KCNK12: variants seen among roughly 807,000 people sequenced by gnomAD.
The protein encoded by KCNK12 is potassium channel subfamily K member 12.
In KCNK12, 6 loss-of-function variants were observed where a neutral mutation model predicts 25.3. The ratio of observed to expected loss-of-function variants is 0.24; its 90% confidence interval spans 0.13 to 0.47. KCNK12 has a LOEUF of 0.47. Ranked by LOEUF, KCNK12 falls within the 20% of genes least tolerant of loss-of-function variation. The pLI, the probability that KCNK12 is intolerant of heterozygous loss-of-function variation, is 0.99. For synonymous variants in KCNK12, 331 were observed against 311.1 expected, an observed-to-expected ratio of 1.06 and a Z score of -0.67; for missense variants, 444 against 661.7, an observed-to-expected ratio of 0.67 and a Z score of 3.61.
intron 1 of KCNK12, among the ~76,000 whole-genome samples, chr2:47,536,972 G>T (rs562424821): frequency 5.9e-5 from 9 of 152,356 alleles, no homozygotes; most frequent in Non-Finnish European, 8.8e-5. Context: ...TTTGGTCTGT[G>T]TTTGGACATG....
In KCNK12 at chr2:47,562,031, T is replaced by G. The variant is rs545465592; in HGVS notation, c.391+7910A>C. The G allele has an allele frequency of 2.5e-6, 1 of 398,488 alleles. No individual in the cohort carries two copies. The highest frequency in any genetic ancestry group is 4.4e-6 in the Non-Finnish European group (1 of 226,080). 24.7% of individuals were successfully genotyped at this position (398,488 alleles called of 1,614,324 possible). On this transcript the variant is annotated intron_variant, in intron 1 of 1. Coordinates refer to ENST00000327876, the MANE Select transcript of KCNK12 (RefSeq NM_022055.2). This position sits in a 1 kb window ranked among gnomAD's most constrained non-coding sequence, Gnocchi z 4.8. ...TGCCTAAAGCCACGCAGCCAGTTAG[T>G]GGCAGAGCCAGGTCTAGACTCCTAG...
intron 1 of KCNK12, among the ~76,000 whole-genome samples, chr2:47,524,662 A>C (rs555275285): frequency 2.6e-5 from 4 of 152,128 alleles, no homozygotes; most frequent in Non-Finnish European, 5.9e-5. Flanking sequence ...GGTGCTAGAA[A>C]TGTTTTTGTT....
Position 47,570,126 on chromosome 2 carries a change from C to A in KCNK12, c.206G>T (p.Arg69Leu). Residue 69 changes from arginine (R) to leucine (L), a missense_variant, in exon 1 of 2, where the codon CGG (arginine) becomes CTG (leucine). By Grantham distance (102) the Arg-to-Leu change is moderately radical (BLOSUM62 -2). Coordinates refer to ENST00000327876, the MANE Select transcript of KCNK12 (RefSeq NM_022055.2). ...ALESPGEAEA[R>L]ARWGATLRNF... ...GCGCAGCGTGGCGCCCCAGCGCGCC[C>A]GCGCCTCCGCCTCGCCGGGGCTCTC... is the stretch of plus-strand genomic sequence containing the variant. The A allele has an allele frequency of 1.4e-6, 2 of 1,432,468 alleles. No homozygotes were observed. The highest frequency in any genetic ancestry group is 1.8e-6 in the Non-Finnish European group (2 of 1,093,860). 88.7% of individuals were successfully genotyped at this position (1,432,468 alleles called of 1,614,324 possible).
rs978365093 is a variant in KCNK12 at position 47,562,507 on chromosome 2, G to T, written c.391+7434C>A. On this transcript the variant is annotated intron_variant, in intron 1 of 1. Coordinates refer to ENST00000327876, the MANE Select transcript of KCNK12 (RefSeq NM_022055.2). This position sits in a 1 kb window ranked among gnomAD's most constrained non-coding sequence, Gnocchi z 4.8. ...GGGGTTGGCCAAGCGCAGGGAGGAG[G>T]CAGCACTCACAAGACAGAGTCCGGA... 5.0e-5 allele frequency: 12 copies of T among 240,212 alleles called. No homozygotes were observed. The highest frequency in any genetic ancestry group is 2.6e-4 in the African/African-American group (12 of 45,664). The allele number at this position is 240,212 out of a possible 1,614,324, so 14.9% of individuals were successfully genotyped here. A position where few individuals can be genotyped will look rare whatever the true frequency, so the allele number is the denominator to read the frequency against.
Position 47,570,139 on chromosome 2 carries a change from C to A in KCNK12, c.193G>T (p.Glu65Ter). Residue 65 changes from glutamate (E) to a stop codon, truncating the protein, a stop_gained, in exon 1 of 2, where the codon GAG becomes TAG. Transcript: ENST00000327876. LOFTEE classifies it high-confidence loss of function. ...CCCCAGCGCGCCCGCGCCTCCGCCTCGCCGGGGCTCTCGAGCGCCGAGAAG... is the reference window on the plus strand; with the variant it reads ...CCCCAGCGCGCCCGCGCCTCCGCCTAGCCGGGGCTCTCGAGCGCCGAGAAG... Reference protein sequence around the residue: ...TVFSALESPGEAEARARWGAT... With the variant: ...TVFSALESPG 1 of 1,452,662 alleles carries A rather than the reference C, an allele frequency of 6.9e-7. No homozygotes were observed. 90.0% of individuals were successfully genotyped at this position (1,452,662 alleles called of 1,614,324 possible).
rs115351981 is a variant in KCNK12 at position 47,556,796 on chromosome 2, T to C, written c.391+13145A>G. ...ACCTGTAGGTCTTACAGCCAAAGGA[T>C]TATGATCTCACCCAAACAGGGTGAT... On this transcript the variant is annotated intron_variant, in intron 1 of 1. Coordinates refer to ENST00000327876, the MANE Select transcript of KCNK12 (RefSeq NM_022055.2). This position sits in a 1 kb window ranked among gnomAD's most constrained non-coding sequence, Gnocchi z 4.8. 2.8e-4 allele frequency among the ~76,000 whole-genome samples: 43 copies of C among 152,256 alleles called. No homozygotes were observed. Among genetic ancestry groups the C allele is most frequent in the Non-Finnish European group, 4.4e-4 (30 of 68,026 alleles).
chr2:47,552,059 C>T (rs924325657), intron 1 of KCNK12, among the ~76,000 whole-genome samples: 5 of 152,104 alleles, frequency 3.3e-5, no homozygotes, highest in Non-Finnish European at 5.9e-5. Context: ...AATTTATCAG[C>T]GTGCTGGCTC....
rs573060921 is a variant in KCNK12, at chr2:47,560,581, A to G, written c.391+9360T>C. 1.8e-4 allele frequency among the ~76,000 whole-genome samples: 28 copies of G among 152,286 alleles called. No individual in the cohort carries two copies. The highest frequency in any genetic ancestry group is 1.0e-3 in the Admixed American group (16 of 15,302). ...AGCAGTCAGGAGCCGTGGATCCTCTATTCTGCCATTGACTGACTTGCTGTG... is the reference window on the plus strand; with the variant it reads ...AGCAGTCAGGAGCCGTGGATCCTCTGTTCTGCCATTGACTGACTTGCTGTG... On this transcript the variant is annotated intron_variant, in intron 1 of 1. Transcript: ENST00000327876. This position sits in a 1 kb window ranked among gnomAD's most constrained non-coding sequence, Gnocchi z 4.7.
Position 47,569,958 on chromosome 2 carries a change from G to A in KCNK12, c.374C>T (p.Thr125Ile). 1.4e-6 allele frequency: 2 copies of A among 1,427,126 alleles called. No homozygotes were observed. Among genetic ancestry groups the A allele is most frequent in the Non-Finnish European group, 9.2e-7 (1 of 1,090,694 alleles). The allele number at this position is 1,427,126 out of a possible 1,614,324, so 88.4% of individuals were successfully genotyped here. Residue 125 changes from threonine to isoleucine, a missense_variant, in exon 1 of 2, where the codon ACC (threonine) becomes ATC (isoleucine). Physicochemically the swap from Thr to Ile is moderately conservative, Grantham distance 89 (BLOSUM62 -1). Transcript: ENST00000327876. This position sits in a 1 kb window ranked among gnomAD's most constrained non-coding sequence, Gnocchi z 4.1. ...CCGCTCACCTATGGTTGACACCACG[G>A]TGCCCACGAAGTAGAAGGCGCCGGG... is the stretch of plus-strand genomic sequence containing the variant. ...DFPGAFYFVG[T>I]VVSTIGFGMT...
Position 47,570,269 on chromosome 2 carries a change from G to C in KCNK12, c.63C>G (p.Ser21=). Residue 21 remains serine, a synonymous_variant, in exon 1 of 2, where the codon TCC becomes TCG. Coordinates refer to ENST00000327876, the MANE Select transcript of KCNK12 (RefSeq NM_022055.2). The part of the protein sequence containing the change: ...RRSRRRLPRP[S]CCCCCCRRSH... Reference sequence around the variant, plus strand: ...AACGGCGGCAGCAGCAGCAGCAGCAGGAGGGGCGCGGCAGGCGGCGGCGGC... The same window carrying C: ...AACGGCGGCAGCAGCAGCAGCAGCACGAGGGGCGCGGCAGGCGGCGGCGGC... 1 of 1,416,974 alleles carries C rather than the reference G, an allele frequency of 7.1e-7. No homozygotes were observed. Among genetic ancestry groups the C allele is most frequent in the Non-Finnish European group, 9.2e-7 (1 of 1,086,642 alleles). The allele number at this position is 1,416,974 out of a possible 1,614,324, so 87.8% of individuals were successfully genotyped here.
intron 1 of KCNK12, among the ~76,000 whole-genome samples, chr2:47,534,520 C>CA (rs1340875365): frequency 1.6e-5 from 2 of 122,740 alleles, no homozygotes; most frequent in African/African-American, 6.0e-5. Flanking sequence ...TTCTAACCCC[C>CA]CCCCCCGCCC....
At position 47,517,734 on chromosome 2, in the gene KCNK12, C is replaced by A. The variant is rs1054294219; in HGVS notation, c.*3173G>T. On this transcript the variant is annotated 3_prime_UTR_variant, in exon 2 of 2. Coordinates refer to ENST00000327876, the MANE Select transcript of KCNK12 (RefSeq NM_022055.2). The surrounding 1 kb of genome is among the most constrained non-coding windows in gnomAD (Gnocchi z 4.1). ...CTGCTTCATTCAGAGGACACAAAGG[C>A]CTGACCACCTGGCTTTAGCAAGCTA... 1 of 152,164 alleles carries A rather than the reference C, an allele frequency of 6.6e-6. No homozygotes were observed. The highest frequency in any genetic ancestry group is 1.5e-5 in the Non-Finnish European group (1 of 68,042). The allele number at this position is 152,164 out of a possible 1,614,324, so 9.4% of individuals were successfully genotyped here.
rs190374984 is a variant in KCNK12, at chr2:47,556,352, G to T, written c.391+13589C>A. Among the ~76,000 whole-genome samples the T allele has an allele frequency of 6.6e-6, 1 of 152,166 alleles. No homozygotes were observed. ...CTCCACATGGTGGGTGGATTTAGGG[G>T]TGTGAAGATTACTTCTGATTACTTT... On this transcript the variant is annotated intron_variant, in intron 1 of 1. Transcript: ENST00000327876. The surrounding 1 kb of genome is among the most constrained non-coding windows in gnomAD (Gnocchi z 4.8).
At chr2:47,536,221 G>A (rs547002412) in intron 1 of KCNK12, among the ~76,000 whole-genome samples, 262 of 152,186 alleles carry the variant, frequency 1.7e-3, no homozygotes, top group Non-Finnish European at 2.6e-3. Context: ...TTTTCTCTTC[G>A]CCTGTCTGAA....
chr2:47,512,240 T>A lies in KCNK12; in HGVS notation c.*8667A>T. ...GTACTCTGCAGATGTTTGCTGAGTA[T>A]CGTTCTTGATGGAAATCCCCGTGGA... On this transcript the variant is annotated 3_prime_UTR_variant, in exon 2 of 2. Coordinates refer to ENST00000327876, the MANE Select transcript of KCNK12 (RefSeq NM_022055.2). 6.3e-7 allele frequency: 1 copy of A among 1,589,668 alleles called. No homozygotes were observed. Among genetic ancestry groups the A allele is most frequent in the South Asian group, 1.1e-5 (1 of 87,778 alleles).
In KCNK12 at chr2:47,512,459, A is replaced by G; in HGVS notation, c.*8448T>C. On this transcript the variant is annotated 3_prime_UTR_variant, in exon 2 of 2. Coordinates refer to ENST00000327876, the MANE Select transcript of KCNK12 (RefSeq NM_022055.2). The stretch of plus-strand genomic sequence containing the variant: ...ACCTGGTGTCTGTTGCCTTCTGGTT[A>G]AGTTTTTCATTTGTAATTCTACAAA... The G allele has an allele frequency of 6.4e-7, 1 of 1,565,716 alleles. No individual in the cohort carries two copies. Among genetic ancestry groups the G allele is most frequent in the Non-Finnish European group, 8.6e-7 (1 of 1,156,618 alleles).
Position 47,525,558 on chromosome 2 carries a change from A to G in KCNK12, c.392-3750T>C, listed in dbSNP as rs1034719780. Among the ~76,000 whole-genome samples the G allele has an allele frequency of 6.6e-5, 10 of 152,184 alleles. No homozygotes were observed. Among genetic ancestry groups the G allele is most frequent in the Non-Finnish European group, 1.5e-4 (10 of 68,016 alleles). On this transcript the variant is annotated intron_variant, in intron 1 of 1. Coordinates refer to ENST00000327876, the MANE Select transcript of KCNK12 (RefSeq NM_022055.2). This position sits in a 1 kb window ranked among gnomAD's most constrained non-coding sequence, Gnocchi z 4.1. ...GGCAGGGGAGGAAGAGGGCAGTCCCAGGGGCCATCTGTACTTCAAGGGCTT... is the reference window on the plus strand; with the variant it reads ...GGCAGGGGAGGAAGAGGGCAGTCCCGGGGGCCATCTGTACTTCAAGGGCTT...
rs1668413171 is a variant in KCNK12, at chr2:47,511,979, C to A, written c.*8928G>T. 6.6e-6 allele frequency among the ~76,000 whole-genome samples: 1 copy of A among 152,136 alleles called. No individual in the cohort carries two copies. The highest frequency in any genetic ancestry group is 2.4e-5 in the African/African-American group (1 of 41,430). On this transcript the variant is annotated 3_prime_UTR_variant, in exon 2 of 2. Transcript: ENST00000327876. This position sits in a 1 kb window ranked among gnomAD's most constrained non-coding sequence, Gnocchi z 4.3. ...TGGCTGCCTATTGGACTGTGCAGTT[C>A]TGGAGAATGGTACTTTACTTGTCCT... is the stretch of plus-strand genomic sequence containing the variant.
In KCNK12 at chr2:47,524,659, G is replaced by T. The variant is rs561227833; in HGVS notation, c.392-2851C>A. 5.3e-5 allele frequency among the ~76,000 whole-genome samples: 8 copies of T among 152,324 alleles called. No individual in the cohort carries two copies. In the South Asian group the frequency reaches 1.5e-3, roughly 28 times the overall value. The stretch of plus-strand genomic sequence containing the variant: ...GACATAGGGGACCTCTGGGGTGCTA[G>T]AAATGTTTTTGTTGACCTGGGTGGT... On this transcript the variant is annotated intron_variant, in intron 1 of 1. Transcript: ENST00000327876.
Sources: allele counts gnomAD v4.1 joint callset (sites outside exome capture counted in the v4.1 genomes callset), GRCh38; gene constraint gnomAD v4.1.1; non-coding constraint Gnocchi (gnomAD v3.1); transcripts MANE v1.5; gene names NCBI Gene and HGNC (gene_info 2026-07-23, HGNC 2026-07-21).